The following OR10G4 variants were observed in gnomAD, a reference collection of about 807,000 sequenced individuals.
OR10G4 encodes olfactory receptor family 10 subfamily G member 4, also known as olfactory receptor 10G4.
For missense variants in OR10G4, 318 were observed against 388.8 expected, an observed-to-expected ratio of 0.82 and a Z score of 1.53; for synonymous variants, 130 against 159.3, an observed-to-expected ratio of 0.82 and a Z score of 1.39.
chr11:124,013,953 C>T (rs142076591), intron 1 of OR10G4, among the ~76,000 whole-genome samples: 2 of 151,942 alleles, frequency 1.3e-5, no homozygotes, highest in East Asian at 3.9e-4. Flanking sequence ...TCTAACGAAG[C>T]CAATATTAGG....
intron 1 of OR10G4, chr11:124,015,245 G>C (rs1864004601): frequency 2.7e-6 from 1 of 375,358 alleles, no homozygotes; most frequent in Admixed American, 4.2e-5. Flanking sequence ...GAGAGGGTGA[G>C]ATAAAAATTT....
Position 124,016,293 on chromosome 11 carries a change from G to A in OR10G4, c.719G>A (p.Cys240Tyr). Reference protein sequence around the residue: ...SDGRRRAFQTCASHCIVVLCF... With the variant: ...SDGRRRAFQTYASHCIVVLCF... Reference sequence around the variant, plus strand: ...GGGAGGCGCAGAGCCTTTCAGACCTGTGCCTCCCACTGTATTGTGGTCCTT... The same window carrying A: ...GGGAGGCGCAGAGCCTTTCAGACCTATGCCTCCCACTGTATTGTGGTCCTT... Residue 240 changes from cysteine to tyrosine, a missense_variant, in exon 2 of 2, where the codon TGT (cysteine) becomes TAT (tyrosine). Coordinates refer to ENST00000641722, the MANE Select transcript of OR10G4 (RefSeq NM_001004462.2). 2 of 1,614,174 alleles carry A rather than the reference G, an allele frequency of 1.2e-6. No individual in the cohort carries two copies. Among genetic ancestry groups the A allele is most frequent in the Non-Finnish European group, 1.7e-6 (2 of 1,180,030 alleles).
chr11:124,015,616 C>A lies in OR10G4; in HGVS notation c.42C>A (p.Gly14=). The part of the protein sequence containing the change: ...ASLVTAFILT[G]LPHAPGLDAL... The stretch of plus-strand genomic sequence containing the variant: ...TCGTGACAGCATTCATCCTCACAGG[C>A]CTTCCCCATGCCCCAGGGCTGGACG... Residue 14 remains glycine (G), a synonymous_variant, in exon 2 of 2, where the codon GGC becomes GGA. Transcript: ENST00000641722. The A allele has an allele frequency of 1.9e-6, 3 of 1,602,012 alleles. No homozygotes were observed. The highest frequency in any genetic ancestry group is 2.6e-6 in the Non-Finnish European group (3 of 1,172,892).
intron 1 of OR10G4, among the ~76,000 whole-genome samples, chr11:124,014,161 A>C (rs1251354041): frequency 6.6e-6 from 1 of 152,114 alleles, no homozygotes; most frequent in Non-Finnish European, 1.5e-5. Flanking sequence ...GGTTGTAGGA[A>C]TCCCACTATA....
Position 124,017,874 on chromosome 11 carries a change from G to A in OR10G4, c.*1364G>A, listed in dbSNP as rs1166620101. On this transcript the variant is annotated 3_prime_UTR_variant, in exon 2 of 2. Coordinates refer to ENST00000641722, the MANE Select transcript of OR10G4 (RefSeq NM_001004462.2). The stretch of plus-strand genomic sequence containing the variant: ...TGGCAAAGCTCTAGTAACTCAGAGA[G>A]TGTTGCATTTGTATGAGACTAGACA... 6.6e-6 allele frequency: 1 copy of A among 152,164 alleles called. No homozygotes were observed. The highest frequency in any genetic ancestry group is 3.2e-3 in the Middle Eastern group (1 of 314). 9.4% of individuals were successfully genotyped at this position (152,164 alleles called of 1,614,324 possible).
In OR10G4 at chr11:124,015,900, C is replaced by T. The variant is rs1487852233; in HGVS notation, c.326C>T (p.Thr109Ile). 1 of 1,613,492 alleles carries T rather than the reference C, an allele frequency of 6.2e-7. No homozygotes were observed. Among genetic ancestry groups the T allele is most frequent in the South Asian group, 1.1e-5 (1 of 91,034 alleles). ...TATTTTTTCCACTTCCTGGGGAGCA[C>T]CGAGTGTTTCCTCTACACAGTCATG... ...QLYFFHFLGS[T>I]ECFLYTVMSY... is the part of the protein sequence containing the mutation. The change falls in exon 2 of 2, where the codon ACC (threonine) becomes ATC (isoleucine). Residue 109 changes from threonine to isoleucine, a missense_variant. Thr to Ile is a moderately conservative substitution (Grantham distance 89). Transcript: ENST00000641722.
chr11:124,016,195 A>G lies in OR10G4; in HGVS notation c.621A>G (p.Ser207=), dbSNP rs144455396. The G allele has an allele frequency of 3.9e-3, 6,224 of 1,614,064 alleles. 20 individuals are homozygous for G. The highest frequency in any genetic ancestry group is 4.1e-3 in the Non-Finnish European group (4,785 of 1,179,938). The change falls in exon 2 of 2, where the codon TCA becomes TCG. Residue 207 remains serine (S), a synonymous_variant. Transcript: ENST00000641722. The part of the protein sequence containing the change: ...VIFVDIGIVA[S]GCFVLIVLSY... ...TTGTGGACATTGGGATAGTGGCCTC[A>G]GGCTGCTTTGTCCTGATAGTGCTGT...
Position 124,018,212 on chromosome 11 carries a change from A to G in OR10G4, c.*1702A>G, listed in dbSNP as rs1002665301. 4 of 152,286 alleles carry G rather than the reference A, an allele frequency of 2.6e-5. No individual in the cohort carries two copies. In the South Asian group the frequency reaches 8.3e-4, roughly 32 times the overall value. The allele number at this position is 152,286 out of a possible 1,614,324, so 9.4% of individuals were successfully genotyped here. On this transcript the variant is annotated 3_prime_UTR_variant, in exon 2 of 2. Coordinates refer to ENST00000641722, the MANE Select transcript of OR10G4 (RefSeq NM_001004462.2). ...AAATACTTTTTTAAATTTATTTTTT[A>G]TTATTATACTTTAAGTTCTGGCATA...
Position 124,015,992 on chromosome 11 carries a change from T to C in OR10G4, c.418T>C (p.Cys140Arg). The C allele has an allele frequency of 6.2e-7, 1 of 1,614,062 alleles. No homozygotes were observed. Among genetic ancestry groups the C allele is most frequent in the Non-Finnish European group, 8.5e-7 (1 of 1,179,948 alleles). The change falls in exon 2 of 2, where the codon TGT becomes CGT. Residue 140 changes from cysteine to arginine, a missense_variant. By Grantham distance (180) the Cys-to-Arg change is radical. Transcript: ENST00000641722. ...CACCAGCATGATGAGTGGGAGCAGG[T>C]GTGCCCTCCTGGCCACCGGCACTTG... ...RYTSMMSGSR[C>R]ALLATGTWLS... is the part of the protein sequence containing the mutation.
chr11:124,015,328 C>G, intron 1 of OR10G4: 1 of 569,070 alleles, frequency 1.8e-6, no homozygotes, highest in Non-Finnish European at 3.1e-6. Flanking sequence ...TGTTTCTCTA[C>G]TTTCTTCTGC....
rs1358535958 is a variant in OR10G4 at position 124,018,398 on chromosome 11, G to A, written c.*1888G>A. 8.7e-6 allele frequency: 1 copy of A among 115,064 alleles called. No homozygotes were observed. The highest frequency in any genetic ancestry group is 1.6e-5 in the Non-Finnish European group (1 of 61,588). The allele number at this position is 115,064 out of a possible 1,614,324, so 7.1% of individuals were successfully genotyped here. The stretch of plus-strand genomic sequence containing the variant: ...CCCCTTGTGTGATGTTCCCCTCCCT[G>A]TGTCCATGTGTTCTCATTGTTCAAC... On this transcript the variant is annotated 3_prime_UTR_variant, in exon 2 of 2. Coordinates refer to ENST00000641722, the MANE Select transcript of OR10G4 (RefSeq NM_001004462.2).
chr11:124,014,365 A>G (rs1565590577), intron 1 of OR10G4, among the ~76,000 whole-genome samples: 2 of 152,228 alleles, frequency 1.3e-5, no homozygotes, highest in Non-Finnish European at 2.9e-5. Flanking sequence ...CAAATCCATA[A>G]CACTGCTGCG....
rs149557797 is a variant in OR10G4 at position 124,015,559 on chromosome 11, C to A, written c.-16C>A. 1.4e-4 allele frequency: 232 copies of A among 1,606,964 alleles called. No homozygotes were observed. The highest frequency in any genetic ancestry group is 5.0e-4 in the Middle Eastern group (3 of 6,034). ...CTTTATATCCCCAGAGGGAGAGAGA[C>A]CAAGGGTGAGAAGAAATGTCCAACG... On this transcript the variant is annotated 5_prime_UTR_variant, in exon 2 of 2. Transcript: ENST00000641722.
In OR10G4 at chr11:124,015,796, C is replaced by G. The variant is rs1379870981; in HGVS notation, c.222C>G (p.Val74=). 1 of 1,604,756 alleles carries G rather than the reference C, an allele frequency of 6.2e-7. No homozygotes were observed. The highest frequency in any genetic ancestry group is 8.5e-7 in the Non-Finnish European group (1 of 1,172,652). Residue 74 remains valine, a synonymous_variant, in exon 2 of 2, where the codon GTC becomes GTG. Transcript: ENST00000641722. ...TCATTGACATGTGGTTCTCCACTGT[C>G]ACGGTGCCCAAAATGCTGATGACCT... ...LSFIDMWFST[V]TVPKMLMTLV...
Position 124,018,135 on chromosome 11 carries a change from T to G in OR10G4, c.*1625T>G, listed in dbSNP as rs1864036204. 1 of 152,244 alleles carries G rather than the reference T, an allele frequency of 6.6e-6. No homozygotes were observed. The highest frequency in any genetic ancestry group is 2.1e-4 in the South Asian group (1 of 4,834). The allele number at this position is 152,244 out of a possible 1,614,324, so 9.4% of individuals were successfully genotyped here. A position where few individuals can be genotyped will look rare whatever the true frequency, so the allele number is the denominator to read the frequency against. ...TGTGGTGGACTGTATGACACTTCTTTAGGTAAGACACTTTTTAGTGATGCA... is the reference window on the plus strand; with the variant it reads ...TGTGGTGGACTGTATGACACTTCTTGAGGTAAGACACTTTTTAGTGATGCA... On this transcript the variant is annotated 3_prime_UTR_variant, in exon 2 of 2. Transcript: ENST00000641722.
At chr11:124,015,412 G>A (rs1046879873) in intron 1 of OR10G4, 136 bp from the exon 2 acceptor site, 1 of 823,316 alleles carries the variant, frequency 1.2e-6, no homozygotes, top group East Asian at 2.7e-5. Context: ...CATCATCTCT[G>A]TGAGGGAAGC....
Position 124,017,361 on chromosome 11 carries a change from G to C in OR10G4, c.*851G>C, listed in dbSNP as rs944905903. 2 of 152,082 alleles carry C rather than the reference G, an allele frequency of 1.3e-5. No homozygotes were observed. Among genetic ancestry groups the C allele is most frequent in the African/African-American group, 4.8e-5 (2 of 41,406 alleles). 9.4% of individuals were successfully genotyped at this position (152,082 alleles called of 1,614,324 possible). ...TATCTAGATTACTTGGGGCTGTTTT[G>C]TCTCCTAGTTCACTTGGCAATGTCT... is the stretch of plus-strand genomic sequence containing the variant. On this transcript the variant is annotated 3_prime_UTR_variant, in exon 2 of 2. Transcript: ENST00000641722.
chr11:124,014,810 C>A (rs1416109857), intron 1 of OR10G4: 1 of 152,072 alleles, frequency 6.6e-6, no homozygotes, highest in African/African-American at 2.4e-5. Flanking sequence ...TCCCAAGGAG[C>A]CCTCTAAATT....
Position 124,016,353 on chromosome 11 carries a change from G to A in OR10G4, c.779G>A (p.Arg260Lys). 1 of 1,614,144 alleles carries A rather than the reference G, an allele frequency of 6.2e-7. No homozygotes were observed. Among genetic ancestry groups the A allele is most frequent in the Admixed American group, 1.7e-5 (1 of 60,018 alleles). ...GTTCCCTGTGTTGTCATTTATCTGA[G>A]GCCAGGCTCCATGGATGCCATGGAT... is the stretch of plus-strand genomic sequence containing the variant. ...FFVPCVVIYL[R>K]PGSMDAMDGV... is the part of the protein sequence containing the mutation. The change falls in exon 2 of 2, where the codon AGG becomes AAG. Residue 260 changes from arginine (R) to lysine (K), a missense_variant. By Grantham distance (26) the Arg-to-Lys change is conservative. Coordinates refer to ENST00000641722, the MANE Select transcript of OR10G4 (RefSeq NM_001004462.2).
Sources: gnomAD v4.1 joint callset for allele counts (sites outside exome capture counted in the v4.1 genomes callset) on GRCh38, gnomAD v4.1.1 for gene constraint, MANE v1.5 for transcripts, NCBI Gene and HGNC (gene_info 2026-07-23, HGNC 2026-07-21) for gene names.